PAH: variants seen among roughly 807,000 people sequenced by gnomAD.
PAH encodes the protein phenylalanine-4-hydroxylase.
A neutral mutation model predicts 62.0 loss-of-function variants in PAH; 64 were observed. The observed-to-expected ratio is 1.03, with a 90% CI of 0.84 to 1.27. The LOEUF (loss-of-function observed/expected upper bound fraction) is 1.27. PAH is among the 50% of genes most tolerant of loss of function. The pLI is 0.00. For missense variants in PAH, 579 were observed against 542.8 expected, an observed-to-expected ratio of 1.07 and a Z score of -0.66; for synonymous variants, 195 against 196.2, an observed-to-expected ratio of 0.99 and a Z score of 0.05.
chr12:102,885,789 C>A (rs1877016447), intron 3 of PAH, among the ~76,000 whole-genome samples: 1 of 152,200 alleles, frequency 6.6e-6, no homozygotes, highest in South Asian at 2.1e-4. Context: ...CCCCTCCCTC[C>A]ACCCGATGTT....
At chr12:102,842,451 A>G (rs1324534566) in intron 11 of PAH, among the ~76,000 whole-genome samples, 1 of 152,118 alleles carries the variant, frequency 6.6e-6, no homozygotes, top group Non-Finnish European at 1.5e-5. Context: ...AGGAATATCC[A>G]TTTTAAAAGA....
rs1874410003 is a variant in PAH, at chr12:102,837,500, T to C, written c.*1675A>G. On this transcript the variant is annotated 3_prime_UTR_variant, in exon 13 of 13. Coordinates refer to ENST00000553106, the MANE Select transcript of PAH (RefSeq NM_000277.3). ...CTTTTTCACTTTTAAAATCAGTGGG[T>C]TTTACAAAGGCATAAACATAGATAC... 6.6e-6 allele frequency: 1 copy of C among 152,088 alleles called. No individual in the cohort carries two copies. The highest frequency in any genetic ancestry group is 6.5e-5 in the Admixed American group (1 of 15,268). 9.4% of individuals were successfully genotyped at this position (152,088 alleles called of 1,614,324 possible).
rs777064334 is a variant in PAH, at chr12:102,958,313, C to T, written c.-214G>A. ...AGCCCCAGCCGCAGCCCCAGCAGCC[C>T]TTCCTGCCGCCCGCAGCCTGTTTCT... On this transcript the variant is annotated 5_prime_UTR_variant, in exon 1 of 5. Transcript: ENST00000551337. The T allele has an allele frequency of 8.1e-6, 12 of 1,477,090 alleles. No individual in the cohort carries two copies. In the Admixed American group the frequency reaches 2.9e-4, roughly 36 times the overall value. 91.5% of individuals were successfully genotyped at this position (1,477,090 alleles called of 1,614,324 possible). A position where few individuals can be genotyped will look rare whatever the true frequency, so the allele number is the denominator to read the frequency against.
In PAH at chr12:102,852,916, G is replaced by T; in HGVS notation, c.741C>A (p.Gly247=). The T allele has an allele frequency of 1.9e-6, 3 of 1,614,076 alleles. No homozygotes were observed. Among genetic ancestry groups the T allele is most frequent in the Non-Finnish European group, 1.7e-6 (2 of 1,180,002 alleles). The change falls in exon 7 of 13, where the codon GGC becomes GGA. Residue 247 remains glycine (G), a synonymous_variant. Transcript: ENST00000553106. The part of the protein sequence containing the change: ...CTGFRLRPVA[G]LLSSRDFLGG... ...CCAAGAAATCCCGAGAGGAAAGCAGGCCAGCCACAGGTCGGAGGCGGAAAC... is the reference window on the plus strand; with the variant it reads ...CCAAGAAATCCCGAGAGGAAAGCAGTCCAGCCACAGGTCGGAGGCGGAAAC...
chr12:102,904,673 TA>T (rs1877899288), intron 2 of PAH: 3 of 439,654 alleles, frequency 6.8e-6, no homozygotes, highest in Non-Finnish European at 1.4e-5. Flanking sequence ...TTTTGCCACT[TA>T]TTTCCTTTAA....
intron 2 of PAH, among the ~76,000 whole-genome samples, chr12:102,895,842 G>A (rs1463682179): frequency 1.5e-5 from 2 of 135,652 alleles, no homozygotes; most frequent in East Asian, 2.1e-4. Flanking sequence ...GCGACAGAGC[G>A]AGACTCTGTC....
At chr12:102,924,635 A>G (rs1293379328) in intron 1 of PAH, among the ~76,000 whole-genome samples, 2 of 152,170 alleles carry the variant, frequency 1.3e-5, no homozygotes, top group East Asian at 3.8e-4. Context: ...ACCTCTCACC[A>G]GAAGAAAACT....
rs189657033 is a variant in PAH at position 102,838,807 on chromosome 12, A to T, written c.*368T>A. 4.0e-5 allele frequency: 9 copies of T among 225,930 alleles called. No individual in the cohort carries two copies. The highest frequency in any genetic ancestry group is 1.8e-4 in the African/African-American group (8 of 43,864). 14.0% of individuals were successfully genotyped at this position (225,930 alleles called of 1,614,324 possible). ...TTCTAATGACAGTCTTGTGTTTTAC[A>T]TTTAGCCTTATATGCTCCTTTATGA... On this transcript the variant is annotated 3_prime_UTR_variant, in exon 13 of 13. Transcript: ENST00000553106.
intron 1 of PAH, among the ~76,000 whole-genome samples, chr12:102,924,174 A>G (rs1467168113): frequency 1.3e-5 from 2 of 152,228 alleles, no homozygotes; most frequent in Non-Finnish European, 2.9e-5. Context: ...TTCTCTTCCC[A>G]GCCATTTGTT....
chr12:102,893,074 G>A (rs557023342), intron 3 of PAH, among the ~76,000 whole-genome samples: 1 of 152,324 alleles, frequency 6.6e-6, no homozygotes, highest in South Asian at 2.1e-4. Flanking sequence ...TTTCTGTGCA[G>A]TTTTTCTGTA....
intron 6 of PAH, 30 bp downstream of exon 6, chr12:102,855,106 G>T (rs2136649100): frequency 6.4e-7 from 1 of 1,571,350 alleles, no homozygotes; most frequent in Non-Finnish European, 8.8e-7. Flanking sequence ...CCAACTTTCT[G>T]CAGGGCCATT....
chr12:102,875,409 C>T (rs1363090547), intron 4 of PAH, among the ~76,000 whole-genome samples: 1 of 152,178 alleles, frequency 6.6e-6, no homozygotes, highest in East Asian at 1.9e-4. Flanking sequence ...GGCAGGAAGA[C>T]AGGAGTTTGG....
chr12:102,840,489 G>C lies in PAH; in HGVS notation c.1226C>G (p.Pro409Arg). The change falls in exon 12 of 13, where the codon CCC becomes CGC. Residue 409 changes from proline to arginine, a missense_variant. Pro to Arg is a moderately radical substitution (Grantham distance 103). Coordinates refer to ENST00000553106, the MANE Select transcript of PAH (RefSeq NM_000277.3). ...VRNFAATIPRPFSVRYDPYTQ... is the reference protein window; with the variant it reads ...VRNFAATIPRRFSVRYDPYTQ... ...GTATGGGTCGTAGCGAACTGAGAAG[G>C]GCCGAGGTATTGTGGCAGCAAAGTT... The C allele has an allele frequency of 1.2e-6, 2 of 1,613,796 alleles. No individual in the cohort carries two copies. Among genetic ancestry groups the C allele is most frequent in the Non-Finnish European group, 1.7e-6 (2 of 1,179,792 alleles).
intron 2 of PAH, among the ~76,000 whole-genome samples, chr12:102,910,612 C>T (rs1322823991): frequency 1.3e-5 from 2 of 152,006 alleles, no homozygotes; most frequent in African/African-American, 4.8e-5. Context: ...CCTTGTGATC[C>T]GTCAGCCTCA....
At chr12:102,859,989 C>G (rs1303366229) in intron 5 of PAH, among the ~76,000 whole-genome samples, 1 of 152,108 alleles carries the variant, frequency 6.6e-6, no homozygotes, top group Non-Finnish European at 1.5e-5. Context: ...GGCAATCGGG[C>G]AGCAGAAAGA....
upstream of PAH, chr12:102,958,393 C>CGCAGCAGCA (rs3832799): frequency 0.018 from 26,769 of 1,506,720 alleles, 194 homozygotes; most frequent in East Asian, 0.17. Context: ...GCGCAGAGCG[C>CGCAGCAGCA]GCAGCAGCAG....
intron 2 of PAH, among the ~76,000 whole-genome samples, chr12:102,901,758 G>C (rs1276452912): frequency 6.6e-6 from 1 of 152,024 alleles, no homozygotes; most frequent in Non-Finnish European, 1.5e-5. Context: ...GAGGTTGCTG[G>C]GGACAACATC....
intron 1 of PAH, among the ~76,000 whole-genome samples, chr12:102,916,376 A>C (rs1431362513): frequency 1.3e-5 from 2 of 152,172 alleles, no homozygotes; most frequent in Non-Finnish European, 2.9e-5. Context: ...CCATGGGTAA[A>C]TATGTAGGTC....
chr12:102,938,069 A>T (rs1879164243), intron 1 of PAH, among the ~76,000 whole-genome samples: 1 of 152,200 alleles, frequency 6.6e-6, no homozygotes, highest in African/African-American at 2.4e-5. Flanking sequence ...TTTCCTTAGT[A>T]CTGCTCTTCG....
Sources: allele counts gnomAD v4.1 joint callset (sites outside exome capture counted in the v4.1 genomes callset), GRCh38; gene constraint gnomAD v4.1.1; transcripts MANE v1.5; gene names NCBI Gene and HGNC (gene_info 2026-07-23, HGNC 2026-07-21).